LAPTM4B: variants seen among roughly 807,000 people sequenced by gnomAD.
The protein encoded by LAPTM4B is lysosomal protein transmembrane 4 beta.
LAPTM4B carries 26 observed loss-of-function variants against 28.5 expected under a neutral mutation model. The observed-to-expected ratio is 0.91, with a 90% CI of 0.67 to 1.27. The LOEUF is 1.27. LAPTM4B is among the 50% of genes most tolerant of loss of function. The probability of loss-of-function intolerance (pLI) is 0.00; values close to 1 mark genes in which losing one functional copy is unlikely to be tolerated. For missense variants in LAPTM4B, 288 were observed against 285.8 expected (o/e 1.01, Z -0.06); for synonymous variants, 109 against 106.4 (o/e 1.02, Z -0.15).
intron 1 of LAPTM4B, among the ~76,000 whole-genome samples, chr8:97,779,001 C>CG (rs1166085078): frequency 2.0e-5 from 3 of 152,126 alleles, no homozygotes; most frequent in African/African-American, 7.2e-5. Flanking sequence ...CTGGTTTGTC[C>CG]TAACCCTTTC....
chr8:97,836,362 G>A (rs1817260060), intron 6 of LAPTM4B, among the ~76,000 whole-genome samples: 1 of 152,038 alleles, frequency 6.6e-6, no homozygotes, highest in Admixed American at 6.5e-5. Flanking sequence ...TGTATTTTCA[G>A]TAGAGACAGG....
chr8:97,830,859 G>C (rs1817174061), intron 6 of LAPTM4B, among the ~76,000 whole-genome samples: 14 of 152,128 alleles, frequency 9.2e-5, no homozygotes, highest in Admixed American at 9.2e-4. Flanking sequence ...GAAATTGGCA[G>C]CTCAGCGGAT....
chr8:97,842,763 C>T (rs1379334635), intron 6 of LAPTM4B, among the ~76,000 whole-genome samples: 3 of 152,012 alleles, frequency 2.0e-5, no homozygotes, highest in Non-Finnish European at 2.9e-5. Flanking sequence ...GTGATCTGCC[C>T]GCCTCAGCCT....
In LAPTM4B at chr8:97,852,800, ATGAC is replaced by A. The variant is rs1003714143; in HGVS notation, c.*1330_*1333del. On this transcript the variant is annotated 3_prime_UTR_variant, in exon 7 of 7. Coordinates refer to ENST00000521545, the MANE Select transcript of LAPTM4B (RefSeq NM_018407.6). ...AGTGGATAACTATATTATTCATAAA[ATGAC>A]TGAGTGAAAACTAATACACTATGAG... 15 of 262,178 alleles carry A rather than the reference ATGAC, an allele frequency of 5.7e-5. No homozygotes were observed. The highest frequency in any genetic ancestry group is 2.0e-4 in the South Asian group (4 of 20,470). 16.2% of individuals were successfully genotyped at this position (262,178 alleles called of 1,614,324 possible).
chr8:97,815,721 C>A (rs1012754404), intron 3 of LAPTM4B, among the ~76,000 whole-genome samples: 1 of 152,094 alleles, frequency 6.6e-6, no homozygotes, highest in Non-Finnish European at 1.5e-5. Context: ...TGTGTGCCAC[C>A]ACACCTTGCT....
intron 6 of LAPTM4B, among the ~76,000 whole-genome samples, chr8:97,850,885 G>T (rs887576412): frequency 9.3e-5 from 14 of 150,476 alleles, no homozygotes; most frequent in Admixed American, 3.3e-4. Flanking sequence ...TGTATAGACC[G>T]CCAACTCTGA....
At chr8:97,804,652 A>G (rs896802496) in intron 1 of LAPTM4B, among the ~76,000 whole-genome samples, 3 of 152,206 alleles carry the variant, frequency 2.0e-5, no homozygotes, top group African/African-American at 7.2e-5. Context: ...AATGTTTTTC[A>G]TTAATTATTA....
intron 1 of LAPTM4B, among the ~76,000 whole-genome samples, chr8:97,784,689 C>T (rs1816374394): frequency 6.6e-6 from 1 of 152,204 alleles, no homozygotes; most frequent in African/African-American, 2.4e-5. Context: ...CTGCCCACCT[C>T]AGCCTCCCAA....
chr8:97,782,941 T>TATTA (rs1816344894), intron 1 of LAPTM4B, among the ~76,000 whole-genome samples: 1 of 149,398 alleles, frequency 6.7e-6, no homozygotes, highest in Non-Finnish European at 1.5e-5. Flanking sequence ...TTTATTTATT[T>TATTA]ATTTATTTTT....
chr8:97,825,207 T>C (rs1266793372), intron 6 of LAPTM4B, 54 bp downstream of exon 6: 10 of 919,066 alleles, frequency 1.1e-5, no homozygotes, highest in Admixed American at 3.7e-5. Flanking sequence ...TACTGTATGC[T>C]GATCTTTAAG....
At chr8:97,815,976 A>C in intron 3 of LAPTM4B, 82 bp from the exon 4 acceptor site, 1 of 1,303,584 alleles carries the variant, frequency 7.7e-7, no homozygotes, top group Non-Finnish European at 1.0e-6. Context: ...TTCCTTTCAG[A>C]TTAATAAAAT....
rs57251463 is a variant in LAPTM4B at position 97,805,342 on chromosome 8, T to TC, written c.100-10dup. The TC allele has an allele frequency of 2.8e-6, 4 of 1,404,724 alleles. No individual in the cohort carries two copies. Among genetic ancestry groups the TC allele is most frequent in the South Asian group, 1.2e-5 (1 of 80,228 alleles). 87.0% of individuals were successfully genotyped at this position (1,404,724 alleles called of 1,614,324 possible). A position where few individuals can be genotyped will look rare whatever the true frequency, so the allele number is the denominator to read the frequency against. On this transcript the variant is annotated splice_polypyrimidine_tract_variant and intron_variant, in intron 1 of 6. Coordinates refer to ENST00000521545, the MANE Select transcript of LAPTM4B (RefSeq NM_018407.6). ...TTAAATTCTTTTTTTTTTTTTTTTTTCTTGTTGCAGATCATCAATGCTGTG... is the reference window on the plus strand; with the variant it reads ...TTAAATTCTTTTTTTTTTTTTTTTTTCCTTGTTGCAGATCATCAATGCTGTG...
intron 6 of LAPTM4B, among the ~76,000 whole-genome samples, chr8:97,851,126 G>T (rs1295034271): frequency 1.3e-5 from 2 of 152,110 alleles, no homozygotes; most frequent in African/African-American, 4.8e-5. Context: ...CCTCTTCAGA[G>T]CCATCACCAT....
At chr8:97,848,100 C>T (rs928526582) in intron 6 of LAPTM4B, among the ~76,000 whole-genome samples, 3 of 151,542 alleles carry the variant, frequency 2.0e-5, no homozygotes, top group Admixed American at 6.6e-5. Flanking sequence ...CCCATCACTA[C>T]TAAAACTAAA....
intron 5 of LAPTM4B, among the ~76,000 whole-genome samples, chr8:97,822,431 A>G (rs921076027): frequency 2.6e-5 from 4 of 151,286 alleles, no homozygotes. Context: ...AAGACTTTTT[A>G]AATCTTTTAA....
At chr8:97,781,728 T>G (rs1487555701) in intron 1 of LAPTM4B, among the ~76,000 whole-genome samples, 1 of 152,238 alleles carries the variant, frequency 6.6e-6, no homozygotes, top group African/African-American at 2.4e-5. Flanking sequence ...TAGGTAAGTT[T>G]TGCTTATTCA....
chr8:97,808,601 G>A (rs1474222149), intron 2 of LAPTM4B, among the ~76,000 whole-genome samples: 1 of 152,142 alleles, frequency 6.6e-6, no homozygotes, highest in African/African-American at 2.4e-5. Flanking sequence ...TAAAAAAACA[G>A]ATTCAGGTGA....
At chr8:97,823,665 G>A (rs1817044834) in intron 5 of LAPTM4B, among the ~76,000 whole-genome samples, 1 of 142,288 alleles carries the variant, frequency 7.0e-6, no homozygotes. Flanking sequence ...GTGAGCCATC[G>A]TGCCCAGTCC....
intron 2 of LAPTM4B, among the ~76,000 whole-genome samples, chr8:97,811,289 A>G (rs1816821945): frequency 6.6e-6 from 1 of 152,190 alleles, no homozygotes; most frequent in African/African-American, 2.4e-5. Context: ...TCCTAGATAT[A>G]TACCCTAGGG....
Sources: allele counts gnomAD v4.1 joint callset (sites outside exome capture counted in the v4.1 genomes callset), GRCh38; gene constraint gnomAD v4.1.1; transcripts MANE v1.5; gene names NCBI Gene and HGNC (gene_info 2026-07-23, HGNC 2026-07-21).